Variants in RAPGEF5 observed in about 807,000 individuals in gnomAD.
RAPGEF5 encodes Rap guanine nucleotide exchange factor 5.
RAPGEF5 carries 65 observed loss-of-function variants against 125.2 expected under a neutral mutation model. The ratio of observed to expected loss-of-function variants is 0.52; its 90% CI spans 0.43 to 0.64. The LOEUF is 0.64. Ranked by LOEUF, RAPGEF5 falls within the 30% of genes least tolerant of loss-of-function variation. The pLI is 0.00. For synonymous variants in RAPGEF5, 391 were observed against 385.9 expected (o/e 1.01, Z -0.16); for missense variants, 958 against 1,048.1 (o/e 0.91, Z 1.19).
At chr7:22,126,426 C>G (rs1384167116) in intron 24 of RAPGEF5, among the ~76,000 whole-genome samples, 2 of 152,190 alleles carry the variant, frequency 1.3e-5, no homozygotes, top group Non-Finnish European at 2.9e-5. Context: ...TTGAACTTTT[C>G]TCCTTCTTTA....
Position 22,250,653 on chromosome 7 carries a change from T to C in RAPGEF5, c.796+16311A>G, listed in dbSNP as rs550108075. On this transcript the variant is annotated intron_variant, in intron 7 of 25. Coordinates refer to ENST00000665637, the MANE Select transcript of RAPGEF5 (RefSeq NM_012294.5). ...TGTCAATACAAATGACAGAAGAAAATGTCCCCGGGGGGAAAAAAAGGCCTT... is the reference window on the plus strand; with the variant it reads ...TGTCAATACAAATGACAGAAGAAAACGTCCCCGGGGGGAAAAAAAGGCCTT... 6.0e-4 allele frequency among the ~76,000 whole-genome samples: 91 copies of C among 151,818 alleles called. 2 individuals are homozygous for C. The South Asian group carries it at 0.017, about 29-fold the overall frequency.
At chr7:22,258,888 T>C (rs1448544487) in intron 7 of RAPGEF5, among the ~76,000 whole-genome samples, 1 of 152,100 alleles carries the variant, frequency 6.6e-6, no homozygotes, top group African/African-American at 2.4e-5. Context: ...GACCTACATG[T>C]AAAATGTGAA....
At chr7:22,314,944 C>T (rs1783557452) in intron 3 of RAPGEF5, among the ~76,000 whole-genome samples, 1 of 152,148 alleles carries the variant, frequency 6.6e-6, no homozygotes, top group Non-Finnish European at 1.5e-5. Flanking sequence ...TCCTTATGCA[C>T]TCAAGGAGGA....
At chr7:22,145,446 A>C (rs1056695045) in intron 19 of RAPGEF5, among the ~76,000 whole-genome samples, 4 of 152,214 alleles carry the variant, frequency 2.6e-5, no homozygotes, top group Non-Finnish European at 4.4e-5. Flanking sequence ...GATTTTTCAG[A>C]ATGTAAGGAA....
chr7:22,164,344 C>T (rs752463996), intron 12 of RAPGEF5, among the ~76,000 whole-genome samples: 1 of 152,116 alleles, frequency 6.6e-6, no homozygotes, highest in Non-Finnish European at 1.5e-5. Flanking sequence ...ATTTATCTTA[C>T]ATTATTTCCC....
rs562176879 is a variant in RAPGEF5 at position 22,301,977 on chromosome 7, T to C, written c.680+6362A>G. ...AACCCCTGTTAGTCGCTGAAGGCCT[T>C]ACATTATTTACATATCGTCATATCC... On this transcript the variant is annotated intron_variant, in intron 5 of 25. Transcript: ENST00000665637. Among the ~76,000 whole-genome samples the C allele has an allele frequency of 2.6e-5, 4 of 152,270 alleles. No homozygotes were observed. The South Asian group carries it at 8.3e-4, about 32-fold the overall frequency.
chr7:22,122,222 C>G lies in RAPGEF5; in HGVS notation c.*184G>C, dbSNP rs1345205619. 1 of 558,008 alleles carries G rather than the reference C, an allele frequency of 1.8e-6. No individual in the cohort carries two copies. Among genetic ancestry groups the G allele is most frequent in the Non-Finnish European group, 3.2e-6 (1 of 311,494 alleles). The allele number at this position is 558,008 out of a possible 1,614,324, so 34.6% of individuals were successfully genotyped here. A position where few individuals can be genotyped will look rare whatever the true frequency, so the allele number is the denominator to read the frequency against. On this transcript the variant is annotated 3_prime_UTR_variant, in exon 26 of 26. Transcript: ENST00000665637. The stretch of plus-strand genomic sequence containing the variant: ...TGTCCCGAGAGTAGCATGGAGAAAC[C>G]TCTCCCCCTCTCTGGTGGCTGACAT...
chr7:22,132,287 G>T (rs564099480), intron 23 of RAPGEF5, among the ~76,000 whole-genome samples: 1 of 152,204 alleles, frequency 6.6e-6, no homozygotes, highest in South Asian at 2.1e-4. Context: ...CACAGTTACA[G>T]CACACACTGA....
chr7:22,312,751 T>C (rs1783502765), intron 3 of RAPGEF5, among the ~76,000 whole-genome samples: 3 of 152,254 alleles, frequency 2.0e-5, no homozygotes, highest in Admixed American at 2.0e-4. Flanking sequence ...CTTTATCAAG[T>C]TATGTTTTAA....
intron 16 of RAPGEF5, 80 bp downstream of exon 16, chr7:22,156,730 C>T: frequency 3.1e-6 from 5 of 1,593,936 alleles, no homozygotes; most frequent in Non-Finnish European, 4.3e-6. Context: ...GAAGGTTAGT[C>T]AGGCTGATAT....
intron 1 of RAPGEF5, 24 bp from the exon 2 acceptor site, chr7:22,318,061 A>T (rs984156635): frequency 3.3e-6 from 5 of 1,521,390 alleles, no homozygotes; most frequent in African/African-American, 1.4e-5. Flanking sequence ...AGAAAAAAAA[A>T]ATAGTTAGAA....
At chr7:22,295,308 A>T (rs1168980334) in intron 5 of RAPGEF5, among the ~76,000 whole-genome samples, 1 of 152,218 alleles carries the variant, frequency 6.6e-6, no homozygotes, top group African/African-American at 2.4e-5. Flanking sequence ...AAAGGGAATT[A>T]TGAATGGGAA....
chr7:22,183,010 C>T (rs1318286955), intron 11 of RAPGEF5, among the ~76,000 whole-genome samples: 22 of 152,104 alleles, frequency 1.4e-4, no homozygotes, highest in African/African-American at 3.6e-4. Flanking sequence ...CAGTGGCTCA[C>T]GCCTATAATC....
intron 18 of RAPGEF5, among the ~76,000 whole-genome samples, chr7:22,150,096 T>G (rs1369374311): frequency 8.4e-6 from 1 of 118,916 alleles, no homozygotes; most frequent in African/African-American, 3.5e-5. Context: ...TTTTTTTTTT[T>G]TGAGACAAGG....
At chr7:22,275,060 A>C (rs1441571297) in intron 6 of RAPGEF5, among the ~76,000 whole-genome samples, 1 of 152,050 alleles carries the variant, frequency 6.6e-6, no homozygotes, top group African/African-American at 2.4e-5. Context: ...TCTTTGCCCC[A>C]GGTCTTTTCA....
chr7:22,197,293 C>T (rs1052239647), intron 9 of RAPGEF5, among the ~76,000 whole-genome samples: 1 of 152,180 alleles, frequency 6.6e-6, no homozygotes, highest in Non-Finnish European at 1.5e-5. Flanking sequence ...AGACCCATTC[C>T]TCCCAAATCA....
chr7:22,223,203 A>C (rs1404319440), intron 8 of RAPGEF5, among the ~76,000 whole-genome samples: 1 of 152,144 alleles, frequency 6.6e-6, no homozygotes, highest in Non-Finnish European at 1.5e-5. Context: ...CAATCAGAAA[A>C]GGAATCTGAG....
At chr7:22,268,437 T>A (rs1462691906) in intron 6 of RAPGEF5, among the ~76,000 whole-genome samples, 1 of 152,200 alleles carries the variant, frequency 6.6e-6, no homozygotes, top group East Asian at 1.9e-4. Context: ...TCAAATAAAT[T>A]TAAAAAGCAT....
intron 6 of RAPGEF5, among the ~76,000 whole-genome samples, chr7:22,281,963 C>T (rs2128144953): frequency 6.6e-6 from 1 of 152,350 alleles, no homozygotes; most frequent in South Asian, 2.1e-4. Flanking sequence ...GCATCACAGA[C>T]TTCTGCTGAA....
Sources: allele counts gnomAD v4.1 joint callset (sites outside exome capture counted in the v4.1 genomes callset), GRCh38; gene constraint gnomAD v4.1.1; transcripts MANE v1.5; gene names NCBI Gene and HGNC (gene_info 2026-07-23, HGNC 2026-07-21).